Variants in THNSL1 observed in about 807,000 individuals in gnomAD.
THNSL1 encodes threonine synthase-like 1.
THNSL1 carries 48 observed loss-of-function variants against 50.4 expected under a neutral mutation model. That is an observed-to-expected ratio of 0.95 (90% confidence interval 0.76 to 1.21). The LOEUF (loss-of-function observed/expected upper bound fraction) is 1.21, where lower values mean the gene tolerates loss of function less well. THNSL1 is among the 50% of genes most tolerant of loss of function. The pLI is 0.00. For synonymous variants in THNSL1, 309 were observed against 306.1 expected, an observed-to-expected ratio of 1.01 and a Z score of -0.10; for missense variants, 896 against 871.7, an observed-to-expected ratio of 1.03 and a Z score of -0.35.
At chr10:25,005,036 G>C in the THNSL1 span, among the ~76,000 whole-genome samples, 6 of 152,072 alleles carry the variant, frequency 3.9e-5, no homozygotes, top group Non-Finnish European at 8.8e-5. Context: ...CATTGCTTGT[G>C]TTTGTCGGGT....
At chr10:25,018,679 T>TTTTC (rs1850659803) in intron 1 of THNSL1, among the ~76,000 whole-genome samples, 2 of 150,336 alleles carry the variant, frequency 1.3e-5, no homozygotes, top group African/African-American at 2.4e-5. Context: ...TTTTTTTTTT[T>TTTTC]GCGAAGGATT....
chr10:24,961,099 A>G, the THNSL1 span, among the ~76,000 whole-genome samples: 2 of 152,238 alleles, frequency 1.3e-5, no homozygotes, highest in Non-Finnish European at 2.9e-5. Context: ...GAAAATATAG[A>G]AAAACAGAAG....
chr10:25,023,307 T>C lies in THNSL1; in HGVS notation c.84T>C (p.His28=). The C allele has an allele frequency of 2.5e-6, 4 of 1,614,148 alleles. No individual in the cohort carries two copies. Among genetic ancestry groups the C allele is most frequent in the Non-Finnish European group, 1.7e-6 (2 of 1,180,002 alleles). Residue 28 remains histidine, a synonymous_variant, in exon 3 of 3, where the codon CAT becomes CAC. Coordinates refer to ENST00000376356, the MANE Select transcript of THNSL1 (RefSeq NM_024838.5). Reference sequence around the variant, plus strand: ...GTATACATGTTAAAACGGATAAACATGCACAGCGATTTCTTTCAAGAACCT... The same window carrying C: ...GTATACATGTTAAAACGGATAAACACGCACAGCGATTTCTTTCAAGAACCT... ...FSSIHVKTDK[H]AQRFLSRTFA... is the part of the protein sequence containing the mutation.
intron 1 of THNSL1, among the ~76,000 whole-genome samples, chr10:25,019,582 T>C (rs1275210623): frequency 6.6e-6 from 1 of 152,256 alleles, no homozygotes; most frequent in Non-Finnish European, 1.5e-5. Context: ...TTATGTATTA[T>C]AAGTTATTCA....
At chr10:24,959,843 A>G in the THNSL1 span, among the ~76,000 whole-genome samples, 3 of 152,230 alleles carry the variant, frequency 2.0e-5, no homozygotes, top group Non-Finnish European at 2.9e-5. Flanking sequence ...TATTTTATAT[A>G]TAACACTGTT....
At chr10:24,996,102 A>G in the THNSL1 span, among the ~76,000 whole-genome samples, 1 of 152,226 alleles carries the variant, frequency 6.6e-6, no homozygotes, top group Non-Finnish European at 1.5e-5. Context: ...TTTAAAAAGA[A>G]AAAAAGTCAG....
chr10:25,007,605 T>A, the THNSL1 span, among the ~76,000 whole-genome samples: 1 of 152,104 alleles, frequency 6.6e-6, no homozygotes, highest in African/African-American at 2.4e-5. Context: ...CGGGTAATTT[T>A]TTGTATTTTT....
At position 25,025,592 on chromosome 10, in the gene THNSL1, CTA is replaced by C. The variant is rs1252894738; in HGVS notation, c.*138_*139del. 2.4e-6 allele frequency: 2 copies of C among 838,734 alleles called. No individual in the cohort carries two copies. Among genetic ancestry groups the C allele is most frequent in the Non-Finnish European group, 3.7e-6 (2 of 544,700 alleles). The allele number at this position is 838,734 out of a possible 1,614,324, so 52.0% of individuals were successfully genotyped here. ...GTTTGGAATTTCAAAAGTCTGATCT[CTA>C]GGGCTGACATGAGAACTCCATGTCA... is the stretch of plus-strand genomic sequence containing the variant. On this transcript the variant is annotated 3_prime_UTR_variant, in exon 3 of 3. Coordinates refer to ENST00000376356, the MANE Select transcript of THNSL1 (RefSeq NM_024838.5).
Position 25,023,667 on chromosome 10 carries a change from T to G in THNSL1, c.444T>G (p.Asn148Lys). The change falls in exon 3 of 3, where the codon AAT becomes AAG. Residue 148 changes from asparagine to lysine, a missense_variant. Coordinates refer to ENST00000376356, the MANE Select transcript of THNSL1 (RefSeq NM_024838.5). ...HDASMWHLKK[N>K]GIIVYLDVPL... The stretch of plus-strand genomic sequence containing the variant: ...CTAGCATGTGGCATCTGAAGAAAAA[T>G]GGAATAATTGTATACCTGGATGTAC... 1 of 1,614,062 alleles carries G rather than the reference T, an allele frequency of 6.2e-7. No individual in the cohort carries two copies. Among genetic ancestry groups the G allele is most frequent in the East Asian group, 2.2e-5 (1 of 44,874 alleles).
At chr10:24,984,576 A>G in the THNSL1 span, 85 of 1,011,146 alleles carry the variant, frequency 8.4e-5, no homozygotes, top group African/African-American at 1.2e-3. Flanking sequence ...GTGTAAGTGA[A>G]TAACTCAATT....
chr10:25,010,525 T>G, the THNSL1 span, among the ~76,000 whole-genome samples: 1 of 151,796 alleles, frequency 6.6e-6, no homozygotes, highest in Non-Finnish European at 1.5e-5. Context: ...ACATGTGCCA[T>G]GCTGGTGTGC....
chr10:25,021,528 C>T (rs554610278), intron 1 of THNSL1, among the ~76,000 whole-genome samples: 2 of 152,094 alleles, frequency 1.3e-5, no homozygotes, highest in Non-Finnish European at 2.9e-5. Flanking sequence ...TCCTTCAGTA[C>T]TGTTTAGTGA....
At position 25,024,342 on chromosome 10, in the gene THNSL1, G is replaced by T. The variant is rs1178637961; in HGVS notation, c.1119G>T (p.Met373Ile). The T allele has an allele frequency of 6.2e-7, 1 of 1,614,000 alleles. No homozygotes were observed. The highest frequency in any genetic ancestry group is 1.3e-5 in the African/African-American group (1 of 74,938). ...AHCIPPSCNY[M>I]ILVATSGDTG... The stretch of plus-strand genomic sequence containing the variant: ...GTATCCCACCAAGTTGCAATTATAT[G>T]ATACTTGTAGCTACTTCAGGAGACA... The change falls in exon 3 of 3, where the codon ATG becomes ATT. Residue 373 changes from methionine (M) to isoleucine (I), a missense_variant. Coordinates refer to ENST00000376356, the MANE Select transcript of THNSL1 (RefSeq NM_024838.5).
intron 1 of THNSL1, among the ~76,000 whole-genome samples, chr10:25,020,072 A>G (rs1311962956): frequency 6.6e-6 from 1 of 152,150 alleles, no homozygotes; most frequent in African/African-American, 2.4e-5. Context: ...TAAATGTTAC[A>G]AAATAAAATT....
the THNSL1 span, chr10:24,984,875 T>G: frequency 6.2e-7 from 1 of 1,613,304 alleles, no homozygotes. Flanking sequence ...TGGAATTCTT[T>G]ATGCACCTCT....
At chr10:24,999,016 T>A in the THNSL1 span, among the ~76,000 whole-genome samples, 2 of 152,240 alleles carry the variant, frequency 1.3e-5, no homozygotes, top group Admixed American at 1.3e-4. Flanking sequence ...TGGTTGTAAT[T>A]TTCATCTCTT....
At chr10:24,998,037 A>G in the THNSL1 span, among the ~76,000 whole-genome samples, 1 of 152,174 alleles carries the variant, frequency 6.6e-6, no homozygotes, top group East Asian at 1.9e-4. Flanking sequence ...TTAAGCATGA[A>G]TGTTGTATTT....
At chr10:24,985,234 A>G in the THNSL1 span, among the ~76,000 whole-genome samples, 1 of 152,210 alleles carries the variant, frequency 6.6e-6, no homozygotes, top group Non-Finnish European at 1.5e-5. Context: ...ATGCATGGGT[A>G]AAAAACAACT....
chr10:25,017,294 A>C (rs940577062), intron 1 of THNSL1, among the ~76,000 whole-genome samples: 2 of 152,292 alleles, frequency 1.3e-5, no homozygotes, highest in African/African-American at 2.4e-5. Flanking sequence ...ATCTATGCAC[A>C]TGGGCCTGCC....
Sources: gnomAD v4.1 joint callset for allele counts (sites outside exome capture counted in the v4.1 genomes callset) on GRCh38, gnomAD v4.1.1 for gene constraint, MANE v1.5 for transcripts, NCBI Gene and HGNC (gene_info 2026-07-23, HGNC 2026-07-21) for gene names.